The following KLHL17 variants were observed in gnomAD, a reference collection of about 807,000 sequenced individuals.
KLHL17 encodes kelch-like protein 17.
Under a neutral mutation model 64.6 loss-of-function variants are expected in KLHL17, and 71 were observed. The ratio of observed to expected loss-of-function variants is 1.10; its 90% CI spans 0.91 to 1.34. The LOEUF (loss-of-function observed/expected upper bound fraction) is 1.34. Ranked by LOEUF, KLHL17 falls within the 40% of genes most tolerant of loss-of-function variation. KLHL17 has a pLI of 0.00. For synonymous variants in KLHL17, 612 were observed against 405.4 expected, an observed-to-expected ratio of 1.51 and a Z score of -6.12; for missense variants, 1,140 against 935.0, an observed-to-expected ratio of 1.22 and a Z score of -2.86.
chr1:961,010 C>T (rs1186138164), intron 1 of KLHL17: 1 of 249,500 alleles, frequency 4.0e-6, no homozygotes, highest in Non-Finnish European at 6.3e-6. Flanking sequence ...GAGAGGGCGG[C>T]TAGGGACGCG....
At position 964,025 on chromosome 1, in the gene KLHL17, G is replaced by A. The variant is rs200391916; in HGVS notation, c.1444+17G>A. On this transcript the variant is annotated intron_variant, in intron 9 of 11. Coordinates refer to ENST00000338591, the MANE Select transcript of KLHL17 (RefSeq NM_198317.3). ...CCACGCTTGGTGGGTGATGGGGCCT[G>A]CCTGGGGGGCATCCCCACCTTCCCC... 293 of 1,612,564 alleles carry A rather than the reference G, an allele frequency of 1.8e-4. No individual in the cohort carries two copies. Among genetic ancestry groups the A allele is most frequent in the Admixed American group, 4.5e-4 (27 of 60,012 alleles).
Position 964,207 on chromosome 1 carries a change from C to A in KLHL17, c.1518+27C>A, listed in dbSNP as rs764777757. 1.7e-5 allele frequency: 27 copies of A among 1,611,516 alleles called. No individual in the cohort carries two copies. The East Asian group carries it at 2.5e-4, about 15-fold the overall frequency. Reference sequence around the variant, plus strand: ...TGCATAGTGCACCCCTCCTGGCCACCCCCTCCCGTGCGCCGCGGGGCCCTC... The same window carrying A: ...TGCATAGTGCACCCCTCCTGGCCACACCCTCCCGTGCGCCGCGGGGCCCTC... On this transcript the variant is annotated intron_variant, in intron 10 of 11. Transcript: ENST00000338591.
Position 961,536 on chromosome 1 carries a change from C to A in KLHL17, c.351C>A (p.Phe117Leu). Reference sequence around the variant, plus strand: ...TGCTGGCCTCCTGCAGCCCCTACTTCCACGCCATGTTCACAAGCAAGTACC... The same window carrying A: ...TGCTGGCCTCCTGCAGCCCCTACTTACACGCCATGTTCACAAGCAAGTACC... ...KVVLASCSPY[F>L]HAMFTNEMSE... Residue 117 changes from phenylalanine to leucine, a missense_variant, in exon 2 of 12, where the codon TTC (phenylalanine) becomes TTA (leucine). Physicochemically the swap from Phe to Leu is conservative, Grantham distance 22. Transcript: ENST00000338591. The A allele has an allele frequency of 6.2e-7, 1 of 1,612,654 alleles. No individual in the cohort carries two copies. The highest frequency in any genetic ancestry group is 8.5e-7 in the Non-Finnish European group (1 of 1,179,980).
intron 1 of KLHL17, among the ~76,000 whole-genome samples, 189 bp from the exon 2 acceptor site, chr1:961,104 A>AG (rs1642620081): frequency 6.6e-6 from 1 of 150,648 alleles, no homozygotes; most frequent in Non-Finnish European, 1.5e-5. Flanking sequence ...CCAGGGGAGC[A>AG]GGGGCGCAGC....
chr1:965,561 A>C lies in KLHL17; in HGVS notation c.*370A>C. The C allele has an allele frequency of 6.0e-5, 16 of 266,832 alleles. No individual in the cohort carries two copies. Among genetic ancestry groups the C allele is most frequent in the Middle Eastern group, 1.1e-3 (1 of 884 alleles). 16.5% of individuals were successfully genotyped at this position (266,832 alleles called of 1,614,324 possible). A position where few individuals can be genotyped will look rare whatever the true frequency, so the allele number is the denominator to read the frequency against. ...GCAGACCCCAGCTCGAATTTTGCAC[A>C]TGGCGGGGTCCCGGGAAGGGTGGGG... On this transcript the variant is annotated 3_prime_UTR_variant, in exon 12 of 12. Coordinates refer to ENST00000338591, the MANE Select transcript of KLHL17 (RefSeq NM_198317.3).
chr1:962,281 C>G, intron 4 of KLHL17, 74 bp from the exon 5 acceptor site: 1 of 1,607,320 alleles, frequency 6.2e-7, no homozygotes, highest in South Asian at 1.1e-5. Context: ...AACCCTCCCT[C>G]CTAGGCATCT....
Position 960,713 on chromosome 1 carries a change from G to C in KLHL17, c.20G>C (p.Arg7Pro). ...AGCCGAATGCAGCCCCGCAGCGAGCGCCCGGCCGGCAGGACGCAGAGCCCG... is the reference window on the plus strand; with the variant it reads ...AGCCGAATGCAGCCCCGCAGCGAGCCCCCGGCCGGCAGGACGCAGAGCCCG... MQPRSERPAGRTQSPEH... is the reference protein window; with the variant it reads MQPRSEPPAGRTQSPEH... Residue 7 changes from arginine to proline, a missense_variant, in exon 1 of 12, where the codon CGC becomes CCC. By Grantham distance (103) the Arg-to-Pro change is moderately radical. Coordinates refer to ENST00000338591, the MANE Select transcript of KLHL17 (RefSeq NM_198317.3). 7.4e-7 allele frequency: 1 copy of C among 1,350,570 alleles called. No homozygotes were observed. Among genetic ancestry groups the C allele is most frequent in the Non-Finnish European group, 9.6e-7 (1 of 1,043,858 alleles). 83.7% of individuals were successfully genotyped at this position (1,350,570 alleles called of 1,614,324 possible).
Position 962,346 on chromosome 1 carries a change from C to G in KLHL17, c.712-9C>G. 1 of 1,612,456 alleles carries G rather than the reference C, an allele frequency of 6.2e-7. No individual in the cohort carries two copies. The highest frequency in any genetic ancestry group is 8.5e-7 in the Non-Finnish European group (1 of 1,179,794). On this transcript the variant is annotated splice_polypyrimidine_tract_variant and intron_variant, in intron 4 of 11. Coordinates refer to ENST00000338591, the MANE Select transcript of KLHL17 (RefSeq NM_198317.3). ...CCCAGATCTCAGGTCTGAGGACCCC[C>G]ACTCCCAGGTTCTGGAACTGGTCTC...
In KLHL17 at chr1:963,187, C is replaced by G. The variant is rs1173652262; in HGVS notation, c.1121C>G (p.Ser374Cys). Residue 374 changes from serine (S) to cysteine (C), a missense_variant, in exon 7 of 12, where the codon TCC becomes TGC. Transcript: ENST00000338591. ...ACCGACCGCTGGCACGTGGTGGCCT[C>G]CATGTCCACGCGCCGGGCCCGGGTG... ...TRTDRWHVVA[S>C]MSTRRARVGV... The G allele has an allele frequency of 6.2e-7, 1 of 1,609,172 alleles. No individual in the cohort carries two copies. The highest frequency in any genetic ancestry group is 8.5e-7 in the Non-Finnish European group (1 of 1,177,426).
intron 9 of KLHL17, 42 bp from the exon 10 acceptor site, chr1:964,065 C>T: frequency 6.2e-7 from 1 of 1,612,492 alleles, no homozygotes; most frequent in Non-Finnish European, 8.5e-7. Flanking sequence ...GTGGAGACCC[C>T]ACTCCCAGCA....
At position 965,021 on chromosome 1, in the gene KLHL17, G is replaced by A. The variant is rs765078515; in HGVS notation, c.1759G>A (p.Gly587Ser). Reference sequence around the variant, plus strand: ...GTTGTACGCCGTGGGGGGTAACGACGGTAGCTCCAGCCTCAACTCCATCGA... The same window carrying A: ...GTTGTACGCCGTGGGGGGTAACGACAGTAGCTCCAGCCTCAACTCCATCGA... ...GWLYAVGGNDGSSSLNSIEKY... is the reference protein window; with the variant it reads ...GWLYAVGGNDSSSSLNSIEKY... The change falls in exon 12 of 12, where the codon GGT becomes AGT. Residue 587 changes from glycine to serine, a missense_variant. By Grantham distance (56) the Gly-to-Ser change is moderately conservative (BLOSUM62 0). Coordinates refer to ENST00000338591, the MANE Select transcript of KLHL17 (RefSeq NM_198317.3). 1.1e-5 allele frequency: 17 copies of A among 1,612,396 alleles called. No individual in the cohort carries two copies. Among genetic ancestry groups the A allele is most frequent in the African/African-American group, 5.3e-5 (4 of 74,892 alleles).
In KLHL17 at chr1:962,035, G is replaced by A; in HGVS notation, c.699G>A (p.Leu233=). The change falls in exon 4 of 12, where the codon CTG becomes CTA. Residue 233 remains leucine (L), a synonymous_variant. Transcript: ENST00000338591. ...CCAAGACCGAGGAGTTTATGCTGCT[G>A]CCCCTGAAACAGGTAACAGCTGGCG... ...DVAKTEEFML[L]PLKQVLELVS... 2 of 1,612,756 alleles carry A rather than the reference G, an allele frequency of 1.2e-6. No homozygotes were observed. The highest frequency in any genetic ancestry group is 1.7e-6 in the Non-Finnish European group (2 of 1,179,942).
Position 961,340 on chromosome 1 carries a change from C to A in KLHL17, c.155C>A (p.Pro52His). The change falls in exon 2 of 12, where the codon CCC becomes CAC. Residue 52 changes from proline to histidine, a missense_variant. Pro to His is a moderately conservative substitution (Grantham distance 77). Coordinates refer to ENST00000338591, the MANE Select transcript of KLHL17 (RefSeq NM_198317.3). ...CCCCGGCAGGCTCGGCCCGCAGCCCCCATGGAGGGAGCCGTGCAGCTGCTG... is the reference window on the plus strand; with the variant it reads ...CCCCGGCAGGCTCGGCCCGCAGCCCACATGGAGGGAGCCGTGCAGCTGCTG... ...TRPRQARPAA[P>H]MEGAVQLLSR... is the part of the protein sequence containing the mutation. The A allele has an allele frequency of 6.4e-7, 1 of 1,566,660 alleles. No individual in the cohort carries two copies. Among genetic ancestry groups the A allele is most frequent in the East Asian group, 2.4e-5 (1 of 42,530 alleles).
intron 7 of KLHL17, 33 bp from the exon 8 acceptor site, chr1:963,304 C>T (rs759580735): frequency 1.0e-5 from 16 of 1,599,964 alleles, no homozygotes; most frequent in South Asian, 3.3e-5. Context: ...CCCGCCAGGC[C>T]AGTCTTGACC....
Position 963,222 on chromosome 1 carries a change from G to C in KLHL17, c.1156G>C (p.Ala386Pro). 1 of 1,607,386 alleles carries C rather than the reference G, an allele frequency of 6.2e-7. No individual in the cohort carries two copies. The highest frequency in any genetic ancestry group is 8.5e-7 in the Non-Finnish European group (1 of 1,176,180). ...GCGCCGGGCCCGGGTGGGAGTGGCTGCGGTGGGGAACCGGCTCTATGCTGT... is the reference window on the plus strand; with the variant it reads ...GCGCCGGGCCCGGGTGGGAGTGGCTCCGGTGGGGAACCGGCTCTATGCTGT... ...STRRARVGVA[A>P]VGNRLYAVGG... Residue 386 changes from alanine (A) to proline (P), a missense_variant, in exon 7 of 12, where the codon GCG becomes CCG. Ala to Pro is a conservative substitution (Grantham distance 27, BLOSUM62 -1). Transcript: ENST00000338591.
In KLHL17 at chr1:964,536, CAGTGGGG is replaced by C; in HGVS notation, c.1700+7_1700+13del. The C allele has an allele frequency of 6.8e-7, 1 of 1,461,440 alleles. No individual in the cohort carries two copies. Among genetic ancestry groups the C allele is most frequent in the African/African-American group, 1.8e-5 (1 of 56,368 alleles). The allele number at this position is 1,461,440 out of a possible 1,614,324, so 90.5% of individuals were successfully genotyped here. On this transcript the variant is annotated splice_region_variant and intron_variant, in intron 11 of 11. Transcript: ENST00000338591. Reference sequence around the variant, plus strand: ...GCGCCCATGAATATCCGCAGGTCCGCAGTGGGGCTGCGGGGAGGGGGGCGCGGGTCCG... The same window carrying C: ...GCGCCCATGAATATCCGCAGGTCCGCCTGCGGGGAGGGGGGCGCGGGTCCG...
rs374261219 is a variant in KLHL17, at chr1:961,455, C to T, written c.270C>T (p.Leu90=). ...TGAGCCGCATGCGCCAGCGCGGCCTCCTGTGCGACATCGTCCTGCACGTGG... is the reference window on the plus strand; with the variant it reads ...TGAGCCGCATGCGCCAGCGCGGCCTTCTGTGCGACATCGTCCTGCACGTGG... ...VAMSRMRQRG[L]LCDIVLHVAA... Residue 90 remains leucine (L), a synonymous_variant, in exon 2 of 12, where the codon CTC becomes CTT. Transcript: ENST00000338591. 15 of 1,612,418 alleles carry T rather than the reference C, an allele frequency of 9.3e-6. No individual in the cohort carries two copies. Among genetic ancestry groups the T allele is most frequent in the East Asian group, 4.5e-5 (2 of 44,874 alleles).
rs768346982 is a variant in KLHL17 at position 965,179 on chromosome 1, C to T, written c.1917C>T (p.Ser639=). 36 of 1,612,248 alleles carry T rather than the reference C, an allele frequency of 2.2e-5. No individual in the cohort carries two copies. In the Middle Eastern group the frequency reaches 1.5e-3, roughly 67 times the overall value. ...PPSSPTLSVS[S]TSL ...CCTCCCCGACGCTGTCCGTGTCCTC[C>T]ACCAGCCTCTGACCCACCTACCACC... The change falls in exon 12 of 12, where the codon TCC becomes TCT. Residue 639 remains serine, a synonymous_variant. Coordinates refer to ENST00000338591, the MANE Select transcript of KLHL17 (RefSeq NM_198317.3).
intron 5 of KLHL17, 60 bp downstream of exon 5, chr1:962,531 G>A (rs1488728804): frequency 1.3e-6 from 2 of 1,593,892 alleles, no homozygotes; most frequent in African/African-American, 1.3e-5. Context: ...GTGGCTGAGG[G>A]CCTGGTGCAC....
Sources: allele counts gnomAD v4.1 joint callset (sites outside exome capture counted in the v4.1 genomes callset), GRCh38; gene constraint gnomAD v4.1.1; transcripts MANE v1.5; gene names NCBI Gene and HGNC (gene_info 2026-07-23, HGNC 2026-07-21).